Variants in SPINK5 observed in about 807,000 individuals in gnomAD.
SPINK5 encodes serine protease inhibitor Kazal-type 5.
In SPINK5, 125 loss-of-function variants were observed where a neutral mutation model predicts 151.8. The observed-to-expected ratio is 0.82, with a 90% CI of 0.71 to 0.96. The LOEUF (loss-of-function observed/expected upper bound fraction) is 0.96, where lower values mean the gene tolerates loss of function less well. SPINK5 is among the 40% of genes least tolerant of loss of function. The pLI is 0.00. For synonymous variants in SPINK5, 374 were observed against 395.3 expected, an observed-to-expected ratio of 0.95 and a Z score of 0.64; for missense variants, 1,194 against 1,291.9, an observed-to-expected ratio of 0.92 and a Z score of 1.16.
At position 148,123,421 on chromosome 5, in the gene SPINK5, T is replaced by TAG. The variant is rs1327355700; in HGVS notation, c.2539-411_2539-410insGA. Among the ~76,000 whole-genome samples the TAG allele has an allele frequency of 3.2e-3, 414 of 129,950 alleles. 3 individuals carry two copies. Among genetic ancestry groups the TAG allele is most frequent in the South Asian group, 0.01 (42 of 4,128 alleles). The allele number at this position is 129,950 out of a possible 152,430, so 85.3% of individuals were successfully genotyped here. A position where few individuals can be genotyped will look rare whatever the true frequency, so the allele number is the denominator to read the frequency against. The stretch of plus-strand genomic sequence containing the variant: ...ATAGATAGATATAATATATTATATA[T>TAG]ATAGATATATATTATCTATCTATCT... On this transcript the variant is annotated intron_variant, in intron 26 of 32. Coordinates refer to ENST00000256084, the MANE Select transcript of SPINK5 (RefSeq NM_006846.4).
At chr5:148,085,910 C>T (rs936964412) in intron 4 of SPINK5, among the ~76,000 whole-genome samples, 1 of 151,878 alleles carries the variant, frequency 6.6e-6, no homozygotes, top group African/African-American at 2.4e-5. Context: ...CACATGAGGA[C>T]ACTAAAGCAT....
chr5:148,071,401 A>T lies in SPINK5; in HGVS notation c.210-747A>T, dbSNP rs1433253620. Reference sequence around the variant, plus strand: ...GAGACTATAAAGAAGCCAGGACAAGATTTAATAGAGGATGGGAGGCCTAGG... The same window carrying T: ...GAGACTATAAAGAAGCCAGGACAAGTTTTAATAGAGGATGGGAGGCCTAGG... On this transcript the variant is annotated intron_variant, in intron 3 of 32. Transcript: ENST00000256084. Among the ~76,000 whole-genome samples the T allele has an allele frequency of 2.0e-5, 3 of 152,060 alleles. No individual in the cohort carries two copies. The East Asian group carries it at 5.8e-4, about 29-fold the overall frequency.
intron 4 of SPINK5, among the ~76,000 whole-genome samples, chr5:148,075,424 A>G (rs1196512368): frequency 6.6e-6 from 1 of 151,396 alleles, no homozygotes; most frequent in Non-Finnish European, 1.5e-5. Context: ...ACTTTATAAT[A>G]TATTTTAAAT....
chr5:148,114,562 T>C (rs549530722), intron 21 of SPINK5, 73 bp downstream of exon 21: 3 of 1,598,298 alleles, frequency 1.9e-6, no homozygotes, highest in Non-Finnish European at 2.6e-6. Flanking sequence ...AAATAATATG[T>C]ATTGTGTTTG....
chr5:148,109,807 G>T (rs191452935), intron 18 of SPINK5, among the ~76,000 whole-genome samples: 1 of 152,108 alleles, frequency 6.6e-6, no homozygotes, highest in Non-Finnish European at 1.5e-5. Context: ...CATAAGGCAG[G>T]TCGTGCTACC....
chr5:148,104,624 G>C (rs529958862), intron 15 of SPINK5, among the ~76,000 whole-genome samples: 36 of 152,036 alleles, frequency 2.4e-4, no homozygotes, highest in Non-Finnish European at 4.4e-4. Context: ...GGCCAGGCAC[G>C]GTGGCTCACA....
chr5:148,131,163 A>G, intron 30 of SPINK5, 96 bp from the exon 31 acceptor site: 1 of 1,449,106 alleles, frequency 6.9e-7, no homozygotes, highest in East Asian at 2.3e-5. Flanking sequence ...ACAACCATTT[A>G]TTCAAGTTGG....
At chr5:148,115,476 G>T (rs1374915767) in intron 21 of SPINK5, among the ~76,000 whole-genome samples, 3 of 152,160 alleles carry the variant, frequency 2.0e-5, no homozygotes, top group African/African-American at 4.8e-5. Flanking sequence ...CTTAAGAATT[G>T]CTACTCATGT....
intron 22 of SPINK5, among the ~76,000 whole-genome samples, chr5:148,116,938 T>G (rs1444889923): frequency 6.6e-6 from 1 of 152,204 alleles, no homozygotes; most frequent in Non-Finnish European, 1.5e-5. Flanking sequence ...GTAAATTACT[T>G]CCTCTCACTG....
chr5:148,101,314 C>G (rs1260285144), intron 13 of SPINK5, 41 bp from the exon 14 acceptor site: 3 of 1,409,536 alleles, frequency 2.1e-6, no homozygotes, highest in African/African-American at 2.8e-5. Flanking sequence ...TGTGGCGATT[C>G]TATGATTTTT....
chr5:148,083,975 C>A (rs916780984), intron 4 of SPINK5, among the ~76,000 whole-genome samples: 3 of 151,614 alleles, frequency 2.0e-5, no homozygotes, highest in African/African-American at 7.3e-5. Context: ...GAATATTTTC[C>A]ATATACAAAA....
intron 8 of SPINK5, among the ~76,000 whole-genome samples, chr5:148,093,023 G>A (rs1753353728): frequency 1.3e-5 from 2 of 152,066 alleles, no homozygotes; most frequent in African/African-American, 4.8e-5. Context: ...TTGGGTGAGA[G>A]GGACAATCTA....
In SPINK5 at chr5:148,120,106, G is replaced by A. The variant is rs1446615712; in HGVS notation, c.2411G>A (p.Gly804Asp). 1 of 1,614,072 alleles carries A rather than the reference G, an allele frequency of 6.2e-7. No homozygotes were observed. Among genetic ancestry groups the A allele is most frequent in the Non-Finnish European group, 8.5e-7 (1 of 1,179,966 alleles). ...PVRGPDGKTHGNKCTMCKEKL... is the reference protein window; with the variant it reads ...PVRGPDGKTHDNKCTMCKEKL... ...CGGGGTCCAGATGGCAAGACACATGGCAATAAGTGTACTATGTGTAAGGAA... is the reference window on the plus strand; with the variant it reads ...CGGGGTCCAGATGGCAAGACACATGACAATAAGTGTACTATGTGTAAGGAA... The change falls in exon 25 of 33, where the codon GGC (glycine) becomes GAC (aspartate). Residue 804 changes from glycine (G) to aspartate (D), a missense_variant. Physicochemically the swap from Gly to Asp is moderately conservative, Grantham distance 94. Transcript: ENST00000256084.
chr5:148,064,234 G>A (rs569256314), intron 1 of SPINK5, 135 bp downstream of exon 1: 1 of 890,068 alleles, frequency 1.1e-6, no homozygotes, highest in Non-Finnish European at 1.9e-6. Flanking sequence ...GCCAGACACA[G>A]AGTTCTGAAG....
rs145656756 is a variant in SPINK5, at chr5:148,130,928, C to T, written c.2965-331C>T. On this transcript the variant is annotated intron_variant, in intron 30 of 32. Transcript: ENST00000256084. ...TAACCAATACCTTCACTTAAAAAGG[C>T]GAATATTATTTCTGGCATGCCTATC... 5.9e-5 allele frequency among the ~76,000 whole-genome samples: 9 copies of T among 152,128 alleles called. 1 individual carries two copies. Among genetic ancestry groups the T allele is most frequent in the Non-Finnish European group, 1.0e-4 (7 of 67,970 alleles).
chr5:148,106,981 A>G, intron 16 of SPINK5, 56 bp from the exon 17 acceptor site: 8 of 1,600,810 alleles, frequency 5.0e-6, no homozygotes, highest in African/African-American at 1.3e-5. Flanking sequence ...CATAATAGGA[A>G]AAGATGCAGG....
At chr5:148,103,443 A>C (rs1289187973) in intron 15 of SPINK5, among the ~76,000 whole-genome samples, 3 of 152,142 alleles carry the variant, frequency 2.0e-5, no homozygotes, top group African/African-American at 7.2e-5. Context: ...TCTCCCTTAC[A>C]TTAATTTTTC....
At chr5:148,088,206 G>C (rs1753210826) in intron 5 of SPINK5, among the ~76,000 whole-genome samples, 1 of 151,722 alleles carries the variant, frequency 6.6e-6, no homozygotes. Flanking sequence ...AAACAACAAA[G>C]TTCCTTGGGT....
chr5:148,134,975 A>C (rs540819248), intron 32 of SPINK5, among the ~76,000 whole-genome samples: 63 of 151,960 alleles, frequency 4.1e-4, no homozygotes, highest in Non-Finnish European at 7.9e-4. Context: ...GAAATTGTGA[A>C]AACAAGAATC....
Sources: allele counts gnomAD v4.1 joint callset (sites outside exome capture counted in the v4.1 genomes callset), GRCh38; gene constraint gnomAD v4.1.1; transcripts MANE v1.5; gene names NCBI Gene and HGNC (gene_info 2026-07-23, HGNC 2026-07-21).